Variants in ABCC1 observed in about 807,000 individuals in gnomAD.
ABCC1 encodes the protein multidrug resistance-associated protein 1.
A neutral mutation model predicts 172.9 loss-of-function variants in ABCC1; 83 were observed. That is an observed-to-expected ratio of 0.48 (90% CI 0.40 to 0.58). The LOEUF (loss-of-function observed/expected upper bound fraction) is 0.58, where lower values mean the gene tolerates loss of function less well. Among genes scored for constraint, ABCC1 ranks in the 20% least tolerant of loss-of-function variants. ABCC1 has a pLI of 0.00. For synonymous variants in ABCC1, 937 were observed against 825.2 expected (o/e 1.14, Z -2.32); for missense variants, 1,817 against 2,002.7 (o/e 0.91, Z 1.77).
intron 6 of ABCC1, among the ~76,000 whole-genome samples, chr16:16,034,021 A>ATTTTTT (rs1567332583): frequency 8.2e-5 from 4 of 48,992 alleles, no homozygotes; most frequent in African/African-American, 2.4e-4. Context: ...AATAAGCATC[A>ATTTTTT]TCTTTTTTTT....
At chr16:16,074,467 G>A (rs144728985) in intron 14 of ABCC1, among the ~76,000 whole-genome samples, 2 of 152,152 alleles carry the variant, frequency 1.3e-5, no homozygotes, top group African/African-American at 2.4e-5. Context: ...GGCGGTGGGT[G>A]GGGGGTGGTT....
At chr16:16,107,579 G>A (rs143249903) in intron 21 of ABCC1, among the ~76,000 whole-genome samples, 269 of 152,216 alleles carry the variant, frequency 1.8e-3, no homozygotes, top group African/African-American at 5.8e-3. Flanking sequence ...GGTGAGCACC[G>A]CGTCCTGCCT....
chr16:15,950,985 A>C (rs2045858469), intron 1 of ABCC1, among the ~76,000 whole-genome samples: 1 of 152,000 alleles, frequency 6.6e-6, no homozygotes, highest in African/African-American at 2.4e-5. Context: ...ACTTTGATAT[A>C]TCTCCCATTT....
chr16:16,131,742 C>T (rs546901469), intron 26 of ABCC1, 47 bp from the exon 27 acceptor site: 15 of 1,598,230 alleles, frequency 9.4e-6, no homozygotes, highest in Middle Eastern at 1.7e-4. Context: ...ACAGCTTTAC[C>T]AGATGGACTG....
chr16:16,097,834 G>A (rs1379664969), intron 19 of ABCC1, among the ~76,000 whole-genome samples: 2 of 152,328 alleles, frequency 1.3e-5, no homozygotes, highest in South Asian at 2.1e-4. Flanking sequence ...TGCCCCCCAC[G>A]TTGAGTTGTG....
At chr16:16,112,450 A>G (rs1368187393) in intron 22 of ABCC1, among the ~76,000 whole-genome samples, 1 of 151,996 alleles carries the variant, frequency 6.6e-6, no homozygotes, top group Non-Finnish European at 1.5e-5. Flanking sequence ...CGTTGATATT[A>G]ACAGCTGGCA....
Position 16,102,678 on chromosome 16 carries a change from G to A in ABCC1, c.2696G>A (p.Gly899Asp). 2 of 1,591,024 alleles carry A rather than the reference G, an allele frequency of 1.3e-6. No homozygotes were observed. Among genetic ancestry groups the A allele is most frequent in the African/African-American group, 1.3e-5 (1 of 74,722 alleles). The change falls in exon 20 of 31, where the codon GGC (glycine) becomes GAC (aspartate). Residue 899 changes from glycine to aspartate, a missense_variant. Transcript: ENST00000399410. ...PGKEAKQMEN[G>D]MLVTDSAGKQ... is the part of the protein sequence containing the mutation. ...AAGGAAGCAAAGCAAATGGAGAATGGCATGCTGGTGACGGACAGTGCAGGG... is the reference window on the plus strand; with the variant it reads ...AAGGAAGCAAAGCAAATGGAGAATGACATGCTGGTGACGGACAGTGCAGGG...
At chr16:16,109,216 G>A (rs916007347) in intron 21 of ABCC1, among the ~76,000 whole-genome samples, 2 of 151,614 alleles carry the variant, frequency 1.3e-5, no homozygotes, top group South Asian at 2.1e-4. Context: ...TCACTGTGTC[G>A]CTCAGGCTGG....
Position 16,076,398 on chromosome 16 carries a change from A to T in ABCC1, c.1985A>T (p.Asn662Ile). The change falls in exon 15 of 31, where the codon AAT becomes ATT. Residue 662 changes from asparagine to isoleucine, a missense_variant. By Grantham distance (149) the Asn-to-Ile change is moderately radical (BLOSUM62 -3). Coordinates refer to ENST00000399410, the MANE Select transcript of ABCC1 (RefSeq NM_004996.4). ...GCCAGGAGCGACCCTCCCACACTGA[A>T]TGGGTAAGCCGGGACGTGGACACAC... ...TWARSDPPTL[N>I]GITFSIPEGA... 1 of 1,607,446 alleles carries T rather than the reference A, an allele frequency of 6.2e-7. No individual in the cohort carries two copies. Among genetic ancestry groups the T allele is most frequent in the South Asian group, 1.1e-5 (1 of 89,732 alleles).
In ABCC1 at chr16:16,033,098, C is replaced by T; in HGVS notation, c.616-11C>T. On this transcript the variant is annotated splice_polypyrimidine_tract_variant and intron_variant, in intron 5 of 30. Transcript: ENST00000399410. The stretch of plus-strand genomic sequence containing the variant: ...CCTCTTCCTCCCAAACCTGTGCTTT[C>T]TTTCCACTAGAATCCCTGCCCAGAG... The T allele has an allele frequency of 6.2e-7, 1 of 1,613,916 alleles. No homozygotes were observed. Among genetic ancestry groups the T allele is most frequent in the Non-Finnish European group, 8.5e-7 (1 of 1,179,816 alleles).
At chr16:16,064,894 T>A (rs745479721) in intron 12 of ABCC1, among the ~76,000 whole-genome samples, 1 of 152,166 alleles carries the variant, frequency 6.6e-6, no homozygotes, top group East Asian at 1.9e-4. Flanking sequence ...TAAATCCTAG[T>A]GCTAGAGAAA....
chr16:16,033,148 A>C lies in ABCC1; in HGVS notation c.655A>C (p.Ile219Leu). ...PESSASFLSR[I>L]TFWWITGLIV... Reference sequence around the variant, plus strand: ...GTCCAGCGCTTCCTTCCTGTCGAGGATCACCTTCTGGTGGATCACAGGGTA... The same window carrying C: ...GTCCAGCGCTTCCTTCCTGTCGAGGCTCACCTTCTGGTGGATCACAGGGTA... The change falls in exon 6 of 31, where the codon ATC (isoleucine) becomes CTC (leucine). Residue 219 changes from isoleucine to leucine, a missense_variant. Coordinates refer to ENST00000399410, the MANE Select transcript of ABCC1 (RefSeq NM_004996.4). The C allele has an allele frequency of 1.2e-6, 2 of 1,614,122 alleles. No homozygotes were observed. The highest frequency in any genetic ancestry group is 1.7e-6 in the Non-Finnish European group (2 of 1,180,012).
At chr16:16,016,402 T>A (rs544162702) in intron 4 of ABCC1, 94 bp from the exon 5 acceptor site, 1 of 1,501,206 alleles carries the variant, frequency 6.7e-7, no homozygotes, top group Admixed American at 1.7e-5. Flanking sequence ...GTTCTGCCTG[T>A]CTCGGCCTCC....
rs184712020 is a variant in ABCC1 at position 15,982,898 on chromosome 16, G to A, written c.49-24918G>A. Among the ~76,000 whole-genome samples the A allele has an allele frequency of 7.3e-5, 11 of 149,994 alleles. No homozygotes were observed. The Middle Eastern group carries it at 0.01, about 143-fold the overall frequency. On this transcript the variant is annotated intron_variant, in intron 1 of 30. Transcript: ENST00000399410. Reference sequence around the variant, plus strand: ...GAATTTGGCCCACAGGCTGTGGTTCGCCAACTTATGACCTATACAAATGGC... The same window carrying A: ...GAATTTGGCCCACAGGCTGTGGTTCACCAACTTATGACCTATACAAATGGC...
At chr16:15,967,776 C>CAA (rs61642630) in intron 1 of ABCC1, among the ~76,000 whole-genome samples, 4 of 101,690 alleles carry the variant, frequency 3.9e-5, no homozygotes, top group African/African-American at 1.3e-4. Context: ...AAAAAAACAA[C>CAA]AAAAAAAAAA....
At chr16:16,029,602 A>C (rs924135) in intron 5 of ABCC1, among the ~76,000 whole-genome samples, 3 of 152,044 alleles carry the variant, frequency 2.0e-5, no homozygotes, top group Non-Finnish European at 2.9e-5. Context: ...TGTTTATTTT[A>C]AATGACTTTT....
chr16:16,029,038 CCTT>C (rs2048471940), intron 5 of ABCC1, among the ~76,000 whole-genome samples: 2 of 152,126 alleles, frequency 1.3e-5, no homozygotes, highest in Admixed American at 1.3e-4. Flanking sequence ...TTAACAAACT[CCTT>C]AGGTGATTCC....
intron 12 of ABCC1, among the ~76,000 whole-genome samples, chr16:16,062,111 AT>A (rs2049942151): frequency 6.6e-6 from 1 of 152,178 alleles, no homozygotes; most frequent in Admixed American, 6.5e-5. Context: ...AGAGGAAAAG[AT>A]ACAAGCCAGA....
chr16:16,004,656 A>AC (rs1205273150), intron 1 of ABCC1, among the ~76,000 whole-genome samples: 1 of 104,642 alleles, frequency 9.6e-6, no homozygotes, highest in Non-Finnish European at 1.9e-5. Flanking sequence ...TGTAAGGTTT[A>AC]CTTTTTTTTT....
Sources: allele counts gnomAD v4.1 joint callset (sites outside exome capture counted in the v4.1 genomes callset), GRCh38; gene constraint gnomAD v4.1.1; transcripts MANE v1.5; gene names NCBI Gene and HGNC (gene_info 2026-07-23, HGNC 2026-07-21).